Variants in RUNX1T1 observed in about 807,000 individuals in gnomAD.
RUNX1T1 encodes the protein protein CBFA2T1.
RUNX1T1 carries 4 observed loss-of-function variants against 62.8 expected under a neutral mutation model. The ratio of observed to expected loss-of-function variants is 0.06; its 90% confidence interval spans 0.03 to 0.15. RUNX1T1 has a LOEUF of 0.15. RUNX1T1 is among the 10% of genes least tolerant of loss of function. The pLI is 1.00. For synonymous variants in RUNX1T1, 291 were observed against 286.0 expected (o/e 1.02, Z -0.18); for missense variants, 508 against 754.3 (o/e 0.67, Z 3.82).
chr8:91,963,433 C>T (rs900564113), intron 10 of RUNX1T1, among the ~76,000 whole-genome samples: 3 of 152,158 alleles, frequency 2.0e-5, no homozygotes, highest in East Asian at 1.9e-4. Context: ...AACTAACAAA[C>T]GCTCCAATGC....
At chr8:91,983,011 T>A (rs890977492) in intron 8 of RUNX1T1, among the ~76,000 whole-genome samples, 4 of 135,336 alleles carry the variant, frequency 3.0e-5, no homozygotes, top group Non-Finnish European at 4.6e-5. Context: ...CACTGCAACC[T>A]CTGCCTCCCA....
intron 6 of RUNX1T1, among the ~76,000 whole-genome samples, chr8:91,989,881 G>C (rs891182832): frequency 6.6e-6 from 1 of 152,170 alleles, no homozygotes; most frequent in African/African-American, 2.4e-5. Context: ...GAGAACATTA[G>C]ACAGACTGGC....
chr8:92,012,928 A>C (rs1456907843), intron 3 of RUNX1T1, among the ~76,000 whole-genome samples: 1 of 152,196 alleles, frequency 6.6e-6, no homozygotes, highest in Non-Finnish European at 1.5e-5. Context: ...TAGATTTTAA[A>C]AAATATATTT....
At chr8:92,014,749 C>A in exon 3 of RUNX1T1, 1 of 1,614,018 alleles carries the variant, frequency 6.2e-7, no homozygotes, top group Non-Finnish European at 8.5e-7. Context: ...GAGGAAGGCC[C>A]ATTGCTGAAG....
At chr8:92,077,837 C>G (rs1469395049) in intron 1 of RUNX1T1, among the ~76,000 whole-genome samples, 1 of 152,012 alleles carries the variant, frequency 6.6e-6, no homozygotes, top group Non-Finnish European at 1.5e-5. Flanking sequence ...AGACCAATGT[C>G]TGGGTTTAAC....
At chr8:91,996,247 C>G (rs987230327) in intron 5 of RUNX1T1, among the ~76,000 whole-genome samples, 3 of 151,878 alleles carry the variant, frequency 2.0e-5, no homozygotes, top group East Asian at 3.9e-4. Context: ...TGTCGCCCAG[C>G]CTGGAGTGCA....
At chr8:92,021,771 G>A (rs1191180483) in intron 1 of RUNX1T1, among the ~76,000 whole-genome samples, 1 of 151,918 alleles carries the variant, frequency 6.6e-6, no homozygotes, top group Non-Finnish European at 1.5e-5. Flanking sequence ...CAGCAGGTGT[G>A]AGCTTCATTC....
intron 2 of RUNX1T1, among the ~76,000 whole-genome samples, chr8:92,015,663 A>T (rs528020675): frequency 1.3e-5 from 2 of 152,360 alleles, no homozygotes; most frequent in East Asian, 3.9e-4. Flanking sequence ...TTTGCATTAA[A>T]GAAAATGTTG....
At chr8:92,031,574 C>T (rs971919681) in intron 1 of RUNX1T1, among the ~76,000 whole-genome samples, 6 of 152,062 alleles carry the variant, frequency 3.9e-5, no homozygotes, top group African/African-American at 1.2e-4. Context: ...TGGGCTCTAG[C>T]GATCCTCCTT....
At chr8:91,997,335 G>A (rs1400150710) in intron 5 of RUNX1T1, among the ~76,000 whole-genome samples, 2 of 151,988 alleles carry the variant, frequency 1.3e-5, no homozygotes, top group Non-Finnish European at 2.9e-5. Flanking sequence ...AGAAGCGGGT[G>A]TAAGTTTTTT....
intron 1 of RUNX1T1, among the ~76,000 whole-genome samples, chr8:92,098,287 C>T (rs1837880058): frequency 6.6e-6 from 1 of 152,078 alleles, no homozygotes; most frequent in African/African-American, 2.4e-5. Context: ...TTCATGTGAC[C>T]TTTTATTGCA....
At chr8:92,017,047 C>CTAAGG (rs1823150429) in intron 2 of RUNX1T1, among the ~76,000 whole-genome samples, 179 bp downstream of exon 3, 1 of 152,186 alleles carries the variant, frequency 6.6e-6, no homozygotes, top group South Asian at 2.1e-4. Flanking sequence ...CAAATTAGAC[C>CTAAGG]TAAGCTATGA....
At chr8:92,049,886 A>T (rs1829978537) in intron 1 of RUNX1T1, among the ~76,000 whole-genome samples, 1 of 152,182 alleles carries the variant, frequency 6.6e-6, no homozygotes, top group South Asian at 2.1e-4. Flanking sequence ...TTAGGCAAAA[A>T]CTAAGAAACT....
At chr8:92,032,622 T>C (rs113689995) in intron 1 of RUNX1T1, among the ~76,000 whole-genome samples, 3,111 of 152,216 alleles carry the variant, frequency 0.02, 52 homozygotes, top group South Asian at 0.062. Context: ...AATATAGAAA[T>C]AGTTCCATCA....
chr8:92,044,796 T>C (rs1422618240), intron 1 of RUNX1T1, among the ~76,000 whole-genome samples: 1 of 152,072 alleles, frequency 6.6e-6, no homozygotes, highest in African/African-American at 2.4e-5. Context: ...GATGAGAAAA[T>C]CATACCTAGT....
chr8:91,980,954 G>C (rs1815099094), intron 8 of RUNX1T1, among the ~76,000 whole-genome samples: 1 of 152,038 alleles, frequency 6.6e-6, no homozygotes, highest in Non-Finnish European at 1.5e-5. Flanking sequence ...TTATAGGCAT[G>C]AGACACTTCT....
At position 91,982,654 on chromosome 8, in the gene RUNX1T1, C is replaced by G. The variant is rs187825661; in HGVS notation, c.1198+3470G>C. ...ATAAGTCATACTTTGAAAATAGAGA[C>G]AGCAGTGTTAAAATTTGCTTTCTAA... is the stretch of plus-strand genomic sequence containing the variant. On this transcript the variant is annotated intron_variant, in intron 8 of 10. Transcript: ENST00000396218. 1.8e-4 allele frequency among the ~76,000 whole-genome samples: 27 copies of G among 152,254 alleles called. No individual in the cohort carries two copies. In the East Asian group the frequency reaches 4.2e-3, roughly 24 times the overall value.
rs76351974 is a variant in RUNX1T1 at position 91,974,872 on chromosome 8, A to G, written c.1267+1033T>C. ...AAAACAGGTATTTCTTGGAAAATGT[A>G]TAAAAATACTTGGATAAGATACATG... On this transcript the variant is annotated intron_variant, in intron 9 of 10. Transcript: ENST00000396218. Among the ~76,000 whole-genome samples the G allele has an allele frequency of 1.9e-3, 290 of 152,326 alleles. 1 individual carries two copies. Among genetic ancestry groups the G allele is most frequent in the African/African-American group, 6.3e-3 (262 of 41,570 alleles).
chr8:92,022,522 C>T (rs1824320519), intron 1 of RUNX1T1, among the ~76,000 whole-genome samples: 1 of 152,134 alleles, frequency 6.6e-6, no homozygotes, highest in African/African-American at 2.4e-5. Context: ...TGGATGGGAT[C>T]GGTCTCTTAC....
Sources: gnomAD v4.1 joint callset for allele counts (sites outside exome capture counted in the v4.1 genomes callset) on GRCh38, gnomAD v4.1.1 for gene constraint, MANE v1.5 for transcripts, NCBI Gene and HGNC (gene_info 2026-07-23, HGNC 2026-07-21) for gene names.